The following GPR39 variants were observed in gnomAD, a reference collection of about 807,000 sequenced individuals.
GPR39 encodes the protein zinc sensing receptor.
A neutral mutation model predicts 18.4 loss-of-function variants in GPR39; 23 were observed. The observed-to-expected ratio is 1.25, with a 90% CI of 0.90 to 1.77. The LOEUF is 1.77. Ranked by LOEUF, GPR39 falls within the 40% of genes most tolerant of loss-of-function variation. The pLI, the probability that GPR39 is intolerant of heterozygous loss-of-function variation, is 0.00. For synonymous variants in GPR39, 280 were observed against 257.9 expected, an observed-to-expected ratio of 1.09 and a Z score of -0.82; for missense variants, 647 against 602.4, an observed-to-expected ratio of 1.07 and a Z score of -0.78.
At chr2:132,556,976 A>G (rs1680163155) in intron 1 of GPR39, among the ~76,000 whole-genome samples, 1 of 152,152 alleles carries the variant, frequency 6.6e-6, no homozygotes, top group African/African-American at 2.4e-5. Flanking sequence ...TTTATTTGGC[A>G]ATTCACCTTG....
At chr2:132,565,942 T>TCAGGG (rs1680343145) in intron 1 of GPR39, among the ~76,000 whole-genome samples, 1 of 139,636 alleles carries the variant, frequency 7.2e-6, no homozygotes, top group Non-Finnish European at 1.5e-5. Context: ...GGTCAAATGG[T>TCAGGG]ATTTCTAGTT....
intron 1 of GPR39, among the ~76,000 whole-genome samples, chr2:132,450,964 GCC>G (rs1680620933): frequency 6.6e-6 from 1 of 152,162 alleles, no homozygotes; most frequent in Non-Finnish European, 1.5e-5. Context: ...CTGATTTTCA[GCC>G]CAAATTCCAG....
intron 1 of GPR39, among the ~76,000 whole-genome samples, chr2:132,446,216 C>T (rs1036268189): frequency 3.3e-5 from 5 of 152,212 alleles, no homozygotes; most frequent in East Asian, 1.9e-4. Flanking sequence ...ATGGCAATAG[C>T]GTACTGCACT....
intron 1 of GPR39, among the ~76,000 whole-genome samples, chr2:132,522,569 G>A (rs1679445062): frequency 6.6e-6 from 1 of 152,226 alleles, no homozygotes; most frequent in South Asian, 2.1e-4. Flanking sequence ...TCATGGAGGA[G>A]GGAAGTAAGC....
chr2:132,645,744 C>G lies in GPR39; in HGVS notation c.*138C>G. ...GGCTTTACAAAAGGCAGATGCCCAC[C>G]TCAGTGACTTCTAAGGACTGACTCT... On this transcript the variant is annotated 3_prime_UTR_variant, in exon 2 of 2. Coordinates refer to ENST00000329321, the MANE Select transcript of GPR39 (RefSeq NM_001508.3). 2 of 1,218,860 alleles carry G rather than the reference C, an allele frequency of 1.6e-6. No individual in the cohort carries two copies. The highest frequency in any genetic ancestry group is 5.8e-4 in the Middle Eastern group (2 of 3,472). 75.5% of individuals were successfully genotyped at this position (1,218,860 alleles called of 1,614,324 possible).
chr2:132,600,491 AAAG>A (rs1681020750), intron 1 of GPR39, among the ~76,000 whole-genome samples: 1 of 152,300 alleles, frequency 6.6e-6, no homozygotes, highest in South Asian at 2.1e-4. Flanking sequence ...AGCTAGACTA[AAAG>A]AAGGACTCAA....
chr2:132,584,785 A>G (rs183754231), intron 1 of GPR39, among the ~76,000 whole-genome samples: 18 of 152,342 alleles, frequency 1.2e-4, no homozygotes, highest in East Asian at 1.9e-4. Context: ...TGGGATGTCT[A>G]TTAGACGATT....
At chr2:132,439,712 G>T (rs183515000) in intron 1 of GPR39, among the ~76,000 whole-genome samples, 28 of 152,278 alleles carry the variant, frequency 1.8e-4, no homozygotes, top group Admixed American at 1.8e-3. Flanking sequence ...AGAGAGAAGT[G>T]ATTTTTAAAA....
At chr2:132,550,903 A>G (rs1281773229) in intron 1 of GPR39, among the ~76,000 whole-genome samples, 1 of 152,120 alleles carries the variant, frequency 6.6e-6, no homozygotes. Context: ...ACCATGTGTA[A>G]TTTTGGAAAG....
At chr2:132,509,960 A>G (rs1249415312) in intron 1 of GPR39, among the ~76,000 whole-genome samples, 1 of 152,186 alleles carries the variant, frequency 6.6e-6, no homozygotes, top group Non-Finnish European at 1.5e-5. Context: ...GCCATTTGCC[A>G]TGGGTGCAGA....
chr2:132,464,345 G>T (rs1245256317), intron 1 of GPR39, among the ~76,000 whole-genome samples: 1 of 152,206 alleles, frequency 6.6e-6, no homozygotes, highest in African/African-American at 2.4e-5. Flanking sequence ...AGAAGCTCGT[G>T]TGCAGGATTG....
chr2:132,541,044 A>T (rs1360325468), intron 1 of GPR39, among the ~76,000 whole-genome samples: 1 of 151,634 alleles, frequency 6.6e-6, no homozygotes, highest in Non-Finnish European at 1.5e-5. Flanking sequence ...CCCTCTGGGA[A>T]CTGAGGCCAG....
chr2:132,548,212 C>T (rs1403286895), intron 1 of GPR39, among the ~76,000 whole-genome samples: 1 of 152,200 alleles, frequency 6.6e-6, no homozygotes, highest in Non-Finnish European at 1.5e-5. Context: ...CTGCCCAATT[C>T]AATTCCATTT....
intron 1 of GPR39, among the ~76,000 whole-genome samples, chr2:132,545,517 A>G (rs576289562): frequency 3.5e-4 from 54 of 152,342 alleles, no homozygotes; most frequent in African/African-American, 1.2e-3. Flanking sequence ...AATAAATCCT[A>G]CATTCACTCA....
intron 1 of GPR39, among the ~76,000 whole-genome samples, chr2:132,552,815 TGTG>T (rs1680067174): frequency 7.0e-6 from 1 of 141,882 alleles, no homozygotes; most frequent in South Asian, 2.2e-4. Context: ...TGTGTGTGTG[TGTG>T]TATGTATATA....
chr2:132,500,557 T>C (rs1019650578), intron 1 of GPR39, among the ~76,000 whole-genome samples: 1 of 152,166 alleles, frequency 6.6e-6, no homozygotes, highest in Non-Finnish European at 1.5e-5. Context: ...TGTTATGTCC[T>C]TTCCTGATTT....
At position 132,589,161 on chromosome 2, in the gene GPR39, C is replaced by T. The variant is rs147528591; in HGVS notation, c.857-55940C>T. 3.3e-3 allele frequency among the ~76,000 whole-genome samples: 506 copies of T among 152,316 alleles called. 4 individuals carry two copies. In the Middle Eastern group the frequency reaches 0.034, roughly 10 times the overall value. ...TGTTATGTAGGTCCAGGCAAAGAAT[C>T]GTGGGACCCATGTCTGCAACAAAAG... On this transcript the variant is annotated intron_variant, in intron 1 of 1. Coordinates refer to ENST00000329321, the MANE Select transcript of GPR39 (RefSeq NM_001508.3).
chr2:132,425,878 T>C (rs1680110088), intron 1 of GPR39, among the ~76,000 whole-genome samples: 2 of 151,530 alleles, frequency 1.3e-5, no homozygotes, highest in Admixed American at 6.6e-5. Context: ...GAGGTAAAAT[T>C]CCCCCCCAGA....
At chr2:132,591,714 G>C (rs141053262) in intron 1 of GPR39, among the ~76,000 whole-genome samples, 2 of 152,314 alleles carry the variant, frequency 1.3e-5, no homozygotes, top group Non-Finnish European at 1.5e-5. Context: ...CTATTATGCA[G>C]ATCCCAGTGT....
Sources: gnomAD v4.1 joint callset for allele counts (sites outside exome capture counted in the v4.1 genomes callset) on GRCh38, gnomAD v4.1.1 for gene constraint, MANE v1.5 for transcripts, NCBI Gene and HGNC (gene_info 2026-07-23, HGNC 2026-07-21) for gene names.